Variants in KCNIP4 observed in about 807,000 individuals in gnomAD.
KCNIP4 encodes the protein Kv channel-interacting protein 4.
In KCNIP4, 12 loss-of-function variants were observed where a neutral mutation model predicts 34.0. The ratio of observed to expected loss-of-function variants is 0.35; its 90% CI spans 0.23 to 0.57. The LOEUF is 0.57. KCNIP4 is among the 20% of genes least tolerant of loss of function. KCNIP4 has a pLI of 0.83. For synonymous variants in KCNIP4, 124 were observed against 102.2 expected, an observed-to-expected ratio of 1.21 and a Z score of -1.29; for missense variants, 238 against 311.7, an observed-to-expected ratio of 0.76 and a Z score of 1.78.
chr4:20,765,455 T>C (rs1755313993), intron 3 of KCNIP4, among the ~76,000 whole-genome samples: 1 of 152,220 alleles, frequency 6.6e-6, no homozygotes, highest in Non-Finnish European at 1.5e-5. Flanking sequence ...AAATTTATTG[T>C]GCATTGTAGC....
intron 1 of KCNIP4, among the ~76,000 whole-genome samples, chr4:21,496,587 T>C (rs1440724957): frequency 6.6e-6 from 1 of 152,144 alleles, no homozygotes; most frequent in Non-Finnish European, 1.5e-5. Context: ...ATCGTTTCTC[T>C]CCCATAATAT....
At chr4:20,938,305 G>A (rs796296726) in intron 1 of KCNIP4, among the ~76,000 whole-genome samples, 1 of 151,204 alleles carries the variant, frequency 6.6e-6, no homozygotes, top group African/African-American at 2.4e-5. Flanking sequence ...GTAAACACAA[G>A]AGCTTTTGGT....
chr4:20,875,395 T>C (rs1233691834), intron 2 of KCNIP4, among the ~76,000 whole-genome samples: 1 of 152,164 alleles, frequency 6.6e-6, no homozygotes, highest in Non-Finnish European at 1.5e-5. Context: ...TATAATCCTG[T>C]CCACCTTACA....
At chr4:21,532,375 G>A (rs1249702763) in intron 1 of KCNIP4, among the ~76,000 whole-genome samples, 1 of 152,078 alleles carries the variant, frequency 6.6e-6, no homozygotes, top group Non-Finnish European at 1.5e-5. Context: ...TTGTAGTGAT[G>A]TTCATGAACA....
At chr4:21,077,708 C>T (rs1048639941) in intron 1 of KCNIP4, among the ~76,000 whole-genome samples, 11 of 152,050 alleles carry the variant, frequency 7.2e-5, no homozygotes, top group African/African-American at 2.2e-4. Context: ...AATAAATGTG[C>T]TTATTACTAT....
chr4:21,066,865 G>A (rs1251783763), intron 1 of KCNIP4, among the ~76,000 whole-genome samples: 4 of 152,142 alleles, frequency 2.6e-5, no homozygotes, highest in African/African-American at 7.2e-5. Flanking sequence ...GCTGTGCTGG[G>A]CTCAAAGGGG....
intron 1 of KCNIP4, among the ~76,000 whole-genome samples, chr4:21,179,105 C>A (rs545051499): frequency 6.6e-6 from 1 of 152,328 alleles, no homozygotes; most frequent in South Asian, 2.1e-4. Flanking sequence ...GCGTGAGCCA[C>A]CACGCCCAGC....
At chr4:20,824,541 G>A (rs4697187) in intron 3 of KCNIP4, among the ~76,000 whole-genome samples, 9,265 of 152,106 alleles carry the variant, frequency 0.061, 519 homozygotes, top group East Asian at 0.21. Context: ...TTAGCCGGGC[G>A]TGGTGGCATG....
At chr4:20,855,144 A>C (rs193202469) in intron 2 of KCNIP4, among the ~76,000 whole-genome samples, 14 of 152,298 alleles carry the variant, frequency 9.2e-5, no homozygotes, top group Admixed American at 2.6e-4. Flanking sequence ...CCCTAGGGTC[A>C]TGTAAGCACA....
At chr4:21,218,001 A>C (rs1042009443) in intron 1 of KCNIP4, among the ~76,000 whole-genome samples, 11 of 126,472 alleles carry the variant, frequency 8.7e-5, no homozygotes, top group African/African-American at 3.8e-4. Flanking sequence ...TTTTTTTTAA[A>C]TTTATTTATT....
chr4:21,040,906 A>C (rs1251087888), intron 1 of KCNIP4, among the ~76,000 whole-genome samples: 1 of 151,062 alleles, frequency 6.6e-6, no homozygotes, highest in Non-Finnish European at 1.5e-5. Context: ...TATTTTGGTT[A>C]ACTGTCTTCA....
intron 1 of KCNIP4, among the ~76,000 whole-genome samples, chr4:20,913,912 T>C (rs2149574280): frequency 6.6e-6 from 1 of 152,198 alleles, no homozygotes; most frequent in Non-Finnish European, 1.5e-5. Context: ...TCCCAGCACT[T>C]TGGGAGGCCA....
chr4:20,850,158 A>G (rs191699567), intron 3 of KCNIP4, among the ~76,000 whole-genome samples: 1 of 152,332 alleles, frequency 6.6e-6, no homozygotes, highest in Admixed American at 6.5e-5. Context: ...CAATTCCAGG[A>G]ATGGAATCCC....
chr4:21,789,457 G>A (rs1234576248), intron 1 of KCNIP4, among the ~76,000 whole-genome samples: 3 of 152,118 alleles, frequency 2.0e-5, no homozygotes, highest in Admixed American at 6.6e-5. Flanking sequence ...TTATTCTAAG[G>A]CCAGTAGGGA....
intron 1 of KCNIP4, among the ~76,000 whole-genome samples, chr4:21,691,162 T>C (rs1484821796): frequency 6.6e-6 from 1 of 152,228 alleles, no homozygotes; most frequent in African/African-American, 2.4e-5. Flanking sequence ...GCTATGAACA[T>C]ATTTCTCCTG....
At chr4:20,877,018 C>T (rs1173229475) in intron 2 of KCNIP4, among the ~76,000 whole-genome samples, 1 of 150,960 alleles carries the variant, frequency 6.6e-6, no homozygotes, top group Admixed American at 6.6e-5. Flanking sequence ...CATCATTTAG[C>T]CTCCTTCTTT....
At chr4:21,135,042 G>A (rs145858855) in intron 1 of KCNIP4, among the ~76,000 whole-genome samples, 23 of 152,208 alleles carry the variant, frequency 1.5e-4, no homozygotes, top group African/African-American at 4.8e-4. Flanking sequence ...TCTCACATAC[G>A]GATTCAGGTA....
intron 3 of KCNIP4, among the ~76,000 whole-genome samples, chr4:20,781,700 G>A (rs1009334041): frequency 6.6e-6 from 1 of 152,136 alleles, no homozygotes; most frequent in African/African-American, 2.4e-5. Flanking sequence ...CCTACAACAT[G>A]TGCAAATTAT....
intron 1 of KCNIP4, among the ~76,000 whole-genome samples, chr4:20,905,484 A>G (rs1410455303): frequency 2.0e-5 from 3 of 147,530 alleles, no homozygotes; most frequent in Non-Finnish European, 1.5e-5. Context: ...ATTTAATATT[A>G]CACAGGTAGT....
Sources: gnomAD v4.1 joint callset for allele counts (sites outside exome capture counted in the v4.1 genomes callset) on GRCh38, gnomAD v4.1.1 for gene constraint, MANE v1.5 for transcripts, NCBI Gene and HGNC (gene_info 2026-07-23, HGNC 2026-07-21) for gene names.